CNTN5: variants seen among roughly 807,000 people sequenced by gnomAD.
The protein encoded by CNTN5 is contactin 5.
In CNTN5, 77 loss-of-function variants were observed where a neutral mutation model predicts 129.1. That is an observed-to-expected ratio of 0.60 (90% CI 0.50 to 0.72). The LOEUF (loss-of-function observed/expected upper bound fraction) is 0.72, where lower values mean the gene tolerates loss of function less well. CNTN5 is among the 30% of genes least tolerant of loss of function. The pLI is 0.00. For synonymous variants in CNTN5, 509 were observed against 465.6 expected, an observed-to-expected ratio of 1.09 and a Z score of -1.20; for missense variants, 1,478 against 1,328.8, an observed-to-expected ratio of 1.11 and a Z score of -1.75.
At chr11:99,756,318 T>C (rs1346297755) in intron 3 of CNTN5, among the ~76,000 whole-genome samples, 4 of 152,138 alleles carry the variant, frequency 2.6e-5, no homozygotes, top group Non-Finnish European at 4.4e-5. Flanking sequence ...TATGTTTTTT[T>C]ATAGGTCCCT....
At chr11:100,069,702 T>C (rs1202792809) in intron 10 of CNTN5, among the ~76,000 whole-genome samples, 4 of 152,176 alleles carry the variant, frequency 2.6e-5, no homozygotes, top group Non-Finnish European at 5.9e-5. Flanking sequence ...TTAGAAATAA[T>C]AAATTCAGTG....
chr11:100,321,293 T>A (rs1415870733), intron 21 of CNTN5, among the ~76,000 whole-genome samples: 1 of 111,012 alleles, frequency 9.0e-6, no homozygotes, highest in Non-Finnish European at 2.0e-5. Flanking sequence ...TCCTAAGTAT[T>A]TTTTTTTTTT....
intron 2 of CNTN5, among the ~76,000 whole-genome samples, chr11:99,476,201 A>T (rs560005855): frequency 6.6e-6 from 1 of 152,134 alleles, no homozygotes; most frequent in South Asian, 2.1e-4. Context: ...TATGACATTA[A>T]AATTATCACA....
intron 3 of CNTN5, among the ~76,000 whole-genome samples, chr11:99,812,345 G>A (rs1279649859): frequency 2.6e-5 from 4 of 151,930 alleles, no homozygotes; most frequent in Middle Eastern, 3.4e-3. Context: ...ATGACAATTC[G>A]GTATTCATAT....
chr11:99,918,458 A>C (rs1426523003), intron 7 of CNTN5, among the ~76,000 whole-genome samples: 1 of 152,090 alleles, frequency 6.6e-6, no homozygotes, highest in African/African-American at 2.4e-5. Context: ...AAAACCTATT[A>C]TTTTTACTAT....
intron 6 of CNTN5, among the ~76,000 whole-genome samples, chr11:99,872,131 A>G (rs1167116707): frequency 1.3e-5 from 2 of 152,030 alleles, no homozygotes; most frequent in Admixed American, 1.3e-4. Context: ...ATACTTTTGA[A>G]ATATATCAAA....
At chr11:99,731,620 T>TA (rs1247261605) in intron 3 of CNTN5, among the ~76,000 whole-genome samples, 1 of 152,186 alleles carries the variant, frequency 6.6e-6, no homozygotes, top group Non-Finnish European at 1.5e-5. Flanking sequence ...TTGTTTTTAT[T>TA]AAAAATGGGC....
chr11:99,274,503 T>C (rs1449798373), intron 1 of CNTN5, among the ~76,000 whole-genome samples: 1 of 151,658 alleles, frequency 6.6e-6, no homozygotes, highest in African/African-American at 2.4e-5. Flanking sequence ...GTGTACAATA[T>C]AGTGTTTGAT....
chr11:100,256,057 C>T (rs372988735), intron 17 of CNTN5, 139 bp downstream of exon 17: 5 of 777,744 alleles, frequency 6.4e-6, no homozygotes, highest in African/African-American at 3.5e-5. Context: ...CAATTCTTTG[C>T]TTCTTTTTAT....
intron 13 of CNTN5, among the ~76,000 whole-genome samples, chr11:100,155,814 T>C (rs1027406871): frequency 2.0e-5 from 3 of 150,782 alleles, no homozygotes; most frequent in Admixed American, 6.6e-5. Context: ...TGGGCTATTA[T>C]TTGTGTATAA....
chr11:99,999,590 T>C (rs1453503319), intron 8 of CNTN5, among the ~76,000 whole-genome samples: 1 of 152,156 alleles, frequency 6.6e-6, no homozygotes, highest in African/African-American at 2.4e-5. Context: ...ATTGTGGAAG[T>C]CAGTGTGGCG....
chr11:99,650,624 A>T (rs1294874902), intron 3 of CNTN5, among the ~76,000 whole-genome samples: 1 of 151,972 alleles, frequency 6.6e-6, no homozygotes, highest in Non-Finnish European at 1.5e-5. Context: ...AAGGAACAAC[A>T]TTCAGTTGCT....
At chr11:99,888,483 T>C (rs966633351) in intron 6 of CNTN5, among the ~76,000 whole-genome samples, 2 of 152,186 alleles carry the variant, frequency 1.3e-5, no homozygotes, top group Non-Finnish European at 2.9e-5. Flanking sequence ...GACAGTCAAC[T>C]GACAACAGGA....
intron 13 of CNTN5, among the ~76,000 whole-genome samples, chr11:100,178,509 A>G (rs934638935): frequency 1.3e-4 from 20 of 152,194 alleles, no homozygotes; most frequent in African/African-American, 3.4e-4. Context: ...CATGTGAACA[A>G]TTAAATTGTT....
chr11:99,813,114 C>T (rs1203267410), intron 3 of CNTN5, among the ~76,000 whole-genome samples: 2 of 151,964 alleles, frequency 1.3e-5, no homozygotes, highest in Non-Finnish European at 2.9e-5. Flanking sequence ...CTGTTCCTAA[C>T]CCATCGTAGG....
At chr11:99,900,092 T>C (rs892834855) in intron 6 of CNTN5, among the ~76,000 whole-genome samples, 5 of 151,886 alleles carry the variant, frequency 3.3e-5, no homozygotes, top group Non-Finnish European at 4.4e-5. Flanking sequence ...CTTATTTGAG[T>C]CTTCTCTCTT....
chr11:99,894,374 A>T (rs1304252931), intron 6 of CNTN5, among the ~76,000 whole-genome samples: 1 of 152,052 alleles, frequency 6.6e-6, no homozygotes, highest in Non-Finnish European at 1.5e-5. Context: ...AGTTCTGGAT[A>T]ACCAAAACCT....
chr11:99,747,440 A>G (rs1944089137), intron 3 of CNTN5, among the ~76,000 whole-genome samples: 1 of 139,798 alleles, frequency 7.2e-6, no homozygotes, highest in Non-Finnish European at 1.5e-5. Flanking sequence ...CCCATACTAT[A>G]TTGAATAGAA....
chr11:99,856,098 T>G (rs1045001457), intron 6 of CNTN5, among the ~76,000 whole-genome samples: 1 of 152,196 alleles, frequency 6.6e-6, no homozygotes, highest in Non-Finnish European at 1.5e-5. Context: ...CTACGTGTTG[T>G]GCAGAAGGGC....
Sources: gnomAD v4.1 joint callset for allele counts (sites outside exome capture counted in the v4.1 genomes callset) on GRCh38, gnomAD v4.1.1 for gene constraint, MANE v1.5 for transcripts, NCBI Gene and HGNC (gene_info 2026-07-23, HGNC 2026-07-21) for gene names.